Variants in ARK2N observed in about 807,000 individuals in gnomAD.
The protein encoded by ARK2N is protein ARK2N.
the ARK2N span, among the ~76,000 whole-genome samples, chr18:46,188,407 G>GC: frequency 6.6e-6 from 1 of 152,138 alleles, no homozygotes; most frequent in African/African-American, 2.4e-5. Context: ...CACCATGTTG[G>GC]CCAGGTTGGT....
chr18:46,220,350 A>T, the ARK2N span, among the ~76,000 whole-genome samples: 34 of 152,172 alleles, frequency 2.2e-4, no homozygotes, highest in Non-Finnish European at 3.4e-4. Flanking sequence ...CTCACCATAC[A>T]TATTTATGCA....
the ARK2N span, chr18:46,219,337 G>A: frequency 6.6e-6 from 1 of 151,880 alleles, no homozygotes; most frequent in Non-Finnish European, 1.5e-5. Flanking sequence ...AATAATGCTG[G>A]CAGTACTTTC....
At chr18:46,191,234 A>G in the ARK2N span, among the ~76,000 whole-genome samples, 1 of 152,200 alleles carries the variant, frequency 6.6e-6, no homozygotes, top group Non-Finnish European at 1.5e-5. Context: ...AAAATTTAAC[A>G]GAAAGTACAG....
At chr18:46,199,656 A>T in the ARK2N span, among the ~76,000 whole-genome samples, 1 of 151,812 alleles carries the variant, frequency 6.6e-6, no homozygotes, top group Non-Finnish European at 1.5e-5. Flanking sequence ...ACTGTAGGAG[A>T]TTTGGAGAGT....
the ARK2N span, among the ~76,000 whole-genome samples, chr18:46,229,281 TA>T: frequency 1.5e-4 from 23 of 152,202 alleles, no homozygotes; most frequent in African/African-American, 5.3e-4. Flanking sequence ...GTAGTGCAAT[TA>T]AAAAATTCCC....
chr18:46,185,410 CCA>C, the ARK2N span, among the ~76,000 whole-genome samples: 1 of 152,150 alleles, frequency 6.6e-6, no homozygotes, highest in African/African-American at 2.4e-5. Flanking sequence ...TGCACATGTG[CCA>C]CAGTCAGAAA....
At chr18:46,265,384 T>G in the ARK2N span, 3 of 152,636 alleles carry the variant, frequency 2.0e-5, no homozygotes, top group Admixed American at 2.0e-4. Flanking sequence ...ATTTTCTTCA[T>G]AGTCCCTAAT....
At chr18:46,241,177 C>A in the ARK2N span, among the ~76,000 whole-genome samples, 1 of 152,060 alleles carries the variant, frequency 6.6e-6, no homozygotes, top group Non-Finnish European at 1.5e-5. Context: ...TAAATTATTC[C>A]TTTCATAATC....
chr18:46,233,432 A>C, the ARK2N span, among the ~76,000 whole-genome samples: 1 of 152,158 alleles, frequency 6.6e-6, no homozygotes, highest in Admixed American at 6.5e-5. Context: ...GAAATAGATA[A>C]ATTGAAAGAT....
chr18:46,222,052 A>G, the ARK2N span, among the ~76,000 whole-genome samples: 2 of 152,358 alleles, frequency 1.3e-5, no homozygotes, highest in African/African-American at 4.8e-5. Context: ...CAATCTGGCT[A>G]TGTATTAGAA....
At chr18:46,207,843 C>T in the ARK2N span, among the ~76,000 whole-genome samples, 1 of 152,222 alleles carries the variant, frequency 6.6e-6, no homozygotes, top group Non-Finnish European at 1.5e-5. Context: ...TCATTCTTTA[C>T]AGTACCCTGA....
chr18:46,222,547 A>G, the ARK2N span, among the ~76,000 whole-genome samples: 1 of 152,188 alleles, frequency 6.6e-6, no homozygotes, highest in East Asian at 1.9e-4. Flanking sequence ...AAGCACCAAG[A>G]TACTATTTTT....
the ARK2N span, among the ~76,000 whole-genome samples, chr18:46,185,151 T>C: frequency 1.3e-5 from 2 of 152,256 alleles, no homozygotes; most frequent in Non-Finnish European, 2.9e-5. Context: ...AAAGATTCAG[T>C]TGATCAATTC....
the ARK2N span, chr18:46,263,486 G>A: frequency 6.0e-5 from 11 of 182,356 alleles, no homozygotes; most frequent in African/African-American, 1.6e-4. Context: ...TTATTTTTCT[G>A]TATAATGAAA....
At chr18:46,186,200 ATT>A in the ARK2N span, among the ~76,000 whole-genome samples, 12 of 145,714 alleles carry the variant, frequency 8.2e-5, no homozygotes, top group African/African-American at 7.5e-5. Flanking sequence ...ATTATCATGA[ATT>A]TTTTTTTTTT....
chr18:46,221,803 G>C, the ARK2N span, among the ~76,000 whole-genome samples: 5 of 152,152 alleles, frequency 3.3e-5, no homozygotes, highest in African/African-American at 9.7e-5. Context: ...AACCCACATA[G>C]TGAATCCATG....
At chr18:46,243,501 A>G in the ARK2N span, among the ~76,000 whole-genome samples, 3 of 152,168 alleles carry the variant, frequency 2.0e-5, no homozygotes, top group Non-Finnish European at 4.4e-5. Flanking sequence ...TTTCCAAGCA[A>G]TTAGATGATT....
At chr18:46,180,714 A>C in the ARK2N span, among the ~76,000 whole-genome samples, 1,544 of 151,842 alleles carry the variant, frequency 0.01, 34 homozygotes, top group African/African-American at 0.036. Context: ...AAAAAAAAAA[A>C]CAACAATAAA....
the ARK2N span, among the ~76,000 whole-genome samples, chr18:46,190,706 G>C: frequency 3.3e-5 from 5 of 152,020 alleles, no homozygotes; most frequent in African/African-American, 1.2e-4. Flanking sequence ...TGTATCTAAA[G>C]TTTACCAGCA....
Sources: allele counts gnomAD v4.1 joint callset (sites outside exome capture counted in the v4.1 genomes callset), GRCh38; gene constraint gnomAD v4.1.1; transcripts MANE v1.5; gene names NCBI Gene and HGNC (gene_info 2026-07-23, HGNC 2026-07-21).